Variants in CHCHD6 observed in about 807,000 individuals in gnomAD.
CHCHD6 encodes the protein MICOS complex subunit MIC25.
CHCHD6 carries 28 observed loss-of-function variants against 32.3 expected under a neutral mutation model. That is an observed-to-expected ratio of 0.87 (90% confidence interval 0.64 to 1.19). The LOEUF (loss-of-function observed/expected upper bound fraction) is 1.19. Ranked by LOEUF, CHCHD6 falls within the 50% of genes most tolerant of loss-of-function variation. The pLI is 0.00. For synonymous variants in CHCHD6, 122 were observed against 117.5 expected, an observed-to-expected ratio of 1.04 and a Z score of -0.25; for missense variants, 333 against 307.0, an observed-to-expected ratio of 1.08 and a Z score of -0.63.
At chr3:126,734,098 C>T (rs979120776) in intron 4 of CHCHD6, among the ~76,000 whole-genome samples, 1 of 152,190 alleles carries the variant, frequency 6.6e-6, no homozygotes, top group Non-Finnish European at 1.5e-5. Flanking sequence ...GGATAACTTT[C>T]CTAGAAGCTC....
At chr3:126,846,485 G>A (rs980013273) in intron 4 of CHCHD6, among the ~76,000 whole-genome samples, 3 of 151,370 alleles carry the variant, frequency 2.0e-5, no homozygotes, top group African/African-American at 7.3e-5. Flanking sequence ...TATTTCAAAG[G>A]GATCCACACT....
intron 6 of CHCHD6, among the ~76,000 whole-genome samples, chr3:126,928,128 G>A (rs1003822037): frequency 2.0e-5 from 3 of 152,220 alleles, no homozygotes; most frequent in Non-Finnish European, 2.9e-5. Context: ...TCCAGGCTGC[G>A]ATGACTTCCG....
intron 4 of CHCHD6, among the ~76,000 whole-genome samples, chr3:126,833,303 A>G (rs1940715714): frequency 6.6e-6 from 1 of 152,240 alleles, no homozygotes; most frequent in African/African-American, 2.4e-5. Context: ...CAACCCCTTC[A>G]GGACACCTTG....
chr3:126,789,845 G>A (rs1010333605), intron 4 of CHCHD6, among the ~76,000 whole-genome samples: 5 of 151,934 alleles, frequency 3.3e-5, no homozygotes, highest in Admixed American at 2.6e-4. Context: ...ATATTGTTAT[G>A]TGTGAATTCG....
At chr3:126,709,211 G>A (rs1399752117) in intron 1 of CHCHD6, among the ~76,000 whole-genome samples, 1 of 152,194 alleles carries the variant, frequency 6.6e-6, no homozygotes, top group Non-Finnish European at 1.5e-5. Context: ...AGGACTGACT[G>A]TAAACGTAAA....
At chr3:126,734,577 A>G (rs775144499) in intron 4 of CHCHD6, among the ~76,000 whole-genome samples, 1 of 152,226 alleles carries the variant, frequency 6.6e-6, no homozygotes, top group Non-Finnish European at 1.5e-5. Context: ...GGGAAATACA[A>G]ACAATGTAGG....
At chr3:126,936,470 A>G (rs1019006877) in intron 6 of CHCHD6, among the ~76,000 whole-genome samples, 2 of 152,230 alleles carry the variant, frequency 1.3e-5, no homozygotes, top group Admixed American at 6.5e-5. Context: ...AATACCAAAA[A>G]AAGTAAAATC....
intron 5 of CHCHD6, among the ~76,000 whole-genome samples, chr3:126,896,831 G>GA (rs1167992537): frequency 6.6e-6 from 1 of 152,224 alleles, no homozygotes; most frequent in Non-Finnish European, 1.5e-5. Context: ...CTGGAGCGCA[G>GA]AGGAGACATG....
chr3:126,744,386 G>T (rs936534771), intron 4 of CHCHD6, among the ~76,000 whole-genome samples: 3 of 152,192 alleles, frequency 2.0e-5, no homozygotes, highest in Non-Finnish European at 4.4e-5. Context: ...AATCGAAAAG[G>T]GTTATTTGGC....
intron 6 of CHCHD6, among the ~76,000 whole-genome samples, chr3:126,924,159 C>T (rs1477670651): frequency 6.6e-6 from 1 of 152,162 alleles, no homozygotes; most frequent in African/African-American, 2.4e-5. Context: ...GCAAAGGTGC[C>T]AGAGACCTCT....
At chr3:126,845,219 C>T (rs1486155561) in intron 4 of CHCHD6, among the ~76,000 whole-genome samples, 1 of 152,124 alleles carries the variant, frequency 6.6e-6, no homozygotes. Context: ...CTGTTTGTTT[C>T]ATCTGTTCTT....
intron 5 of CHCHD6, among the ~76,000 whole-genome samples, chr3:126,888,467 G>A (rs2077709261): frequency 6.6e-6 from 1 of 152,168 alleles, no homozygotes; most frequent in African/African-American, 2.4e-5. Context: ...CACTCCTCAT[G>A]CGACAGCCAC....
chr3:126,710,776 T>C (rs6792227), intron 1 of CHCHD6, among the ~76,000 whole-genome samples: 151,884 of 152,336 alleles, frequency 1, 75,725 homozygotes, highest in Middle Eastern at 1. Context: ...GTATATTGAC[T>C]TTGTATCTTG....
intron 1 of CHCHD6, among the ~76,000 whole-genome samples, chr3:126,705,120 T>A (rs1479907270): frequency 1.3e-5 from 2 of 152,210 alleles, no homozygotes; most frequent in African/African-American, 4.8e-5. Context: ...TCAGCTCTCC[T>A]TAAATCCCGC....
chr3:126,744,155 G>A (rs1285731090), intron 4 of CHCHD6, among the ~76,000 whole-genome samples: 1 of 152,218 alleles, frequency 6.6e-6, no homozygotes, highest in Non-Finnish European at 1.5e-5. Flanking sequence ...AAATTGGGCT[G>A]GTGCCTTCCC....
chr3:126,857,914 A>G (rs1941715280), intron 5 of CHCHD6, among the ~76,000 whole-genome samples: 1 of 152,200 alleles, frequency 6.6e-6, no homozygotes, highest in Non-Finnish European at 1.5e-5. Context: ...AAAGCTGAAC[A>G]TGGGTATGCC....
chr3:126,902,792 T>C (rs1167211098), intron 5 of CHCHD6, among the ~76,000 whole-genome samples: 1 of 150,948 alleles, frequency 6.6e-6, no homozygotes, highest in Non-Finnish European at 1.5e-5. Context: ...ACATCCATGC[T>C]CCTCGGACCT....
chr3:126,777,924 C>A lies in CHCHD6; in HGVS notation c.411+44702C>A, dbSNP rs527470804. Among the ~76,000 whole-genome samples, 98 of 152,324 alleles carry A rather than the reference C, an allele frequency of 6.4e-4. 1 individual carries two copies. The Middle Eastern group carries it at 0.01, about 16-fold the overall frequency. On this transcript the variant is annotated intron_variant, in intron 4 of 7. Coordinates refer to ENST00000290913, the MANE Select transcript of CHCHD6 (RefSeq NM_032343.3). ...GAAACTCTCTACCCATTAGCAGTCA[C>A]TCCCTATTTCCCACAACCCTTAGTC...
intron 6 of CHCHD6, among the ~76,000 whole-genome samples, chr3:126,954,790 G>A (rs1211712176): frequency 3.9e-5 from 6 of 152,242 alleles, no homozygotes; most frequent in African/African-American, 9.6e-5. Flanking sequence ...GGCCAGCACC[G>A]TCAGGAGGAA....
Sources: allele counts gnomAD v4.1 joint callset (sites outside exome capture counted in the v4.1 genomes callset), GRCh38; gene constraint gnomAD v4.1.1; transcripts MANE v1.5; gene names NCBI Gene and HGNC (gene_info 2026-07-23, HGNC 2026-07-21).